The following AK9 variants were observed in gnomAD, a reference collection of about 807,000 sequenced individuals.
AK9 encodes adenylate kinase 9.
In AK9, 191 loss-of-function variants were observed where a neutral mutation model predicts 239.6. The ratio of observed to expected loss-of-function variants is 0.80; its 90% CI spans 0.71 to 0.90. The LOEUF (loss-of-function observed/expected upper bound fraction) is 0.90. Among genes scored for constraint, AK9 ranks in the 40% least tolerant of loss-of-function variants. The pLI, the probability that AK9 is intolerant of heterozygous loss-of-function variation, is 0.00. For synonymous variants in AK9, 689 were observed against 721.0 expected (o/e 0.96, Z 0.71); for missense variants, 1,995 against 2,214.7 (o/e 0.90, Z 1.99).
At chr6:109,632,858 T>C in intron 12 of AK9, 65 bp downstream of exon 12, 1 of 953,022 alleles carries the variant, frequency 1.0e-6, no homozygotes, top group South Asian at 2.6e-5. Context: ...ACATGACAGA[T>C]AGACATAGAT....
At chr6:109,606,110 A>G (rs1049841137) in intron 17 of AK9, among the ~76,000 whole-genome samples, 10 of 152,174 alleles carry the variant, frequency 6.6e-5, no homozygotes, top group African/African-American at 2.2e-4. Context: ...CAAAAATGGT[A>G]TAACATTTTT....
intron 25 of AK9, among the ~76,000 whole-genome samples, chr6:109,548,099 G>A (rs1396304910): frequency 6.6e-6 from 1 of 152,100 alleles, no homozygotes; most frequent in Non-Finnish European, 1.5e-5. Flanking sequence ...GGGAACACTT[G>A]TACACTGTTG....
chr6:109,677,745 T>C (rs1461470123), intron 1 of AK9, among the ~76,000 whole-genome samples: 7 of 152,182 alleles, frequency 4.6e-5, no homozygotes, highest in African/African-American at 2.4e-5. Flanking sequence ...CATGATCCAA[T>C]TGGAAAATGC....
intron 1 of AK9, among the ~76,000 whole-genome samples, chr6:109,680,385 A>G (rs149385650): frequency 6.6e-6 from 1 of 152,198 alleles, no homozygotes; most frequent in African/African-American, 2.4e-5. Context: ...TGAAATAAAG[A>G]TAGAAGACAA....
intron 17 of AK9, among the ~76,000 whole-genome samples, chr6:109,588,036 T>C (rs1353162409): frequency 1.3e-5 from 2 of 152,122 alleles, no homozygotes; most frequent in East Asian, 3.9e-4. Context: ...TCTCTGATGA[T>C]TGGTGATGTT....
intron 32 of AK9, among the ~76,000 whole-genome samples, chr6:109,510,756 A>G (rs1361706935): frequency 6.6e-6 from 1 of 152,186 alleles, no homozygotes; most frequent in Non-Finnish European, 1.5e-5. Flanking sequence ...ATTTGGGCAA[A>G]AGTGCTGCAG....
chr6:109,629,787 C>T (rs1795930964), intron 12 of AK9, among the ~76,000 whole-genome samples: 1 of 151,994 alleles, frequency 6.6e-6, no homozygotes, highest in Non-Finnish European at 1.5e-5. Context: ...CGCCCGTCAC[C>T]GTGCCCGGCT....
chr6:109,669,744 T>C (rs1276563081), intron 5 of AK9, among the ~76,000 whole-genome samples: 2 of 152,186 alleles, frequency 1.3e-5, no homozygotes, highest in Admixed American at 6.5e-5. Context: ...TGAGACGCCT[T>C]GCTGGGAATT....
At position 109,659,276 on chromosome 6, in the gene AK9, G is replaced by T; in HGVS notation, c.582C>A (p.Asp194Glu). 1 of 1,597,530 alleles carries T rather than the reference G, an allele frequency of 6.3e-7. No individual in the cohort carries two copies. The highest frequency in any genetic ancestry group is 8.5e-7 in the Non-Finnish European group (1 of 1,174,128). ...CCTCTTCTTCCTCTTCTCCTTTTCCGTCCTTTTGGGCTTCTTTCTTCTTTT... is the reference window on the plus strand; with the variant it reads ...CCTCTTCTTCCTCTTCTCCTTTTCCTTCCTTTTGGGCTTCTTTCTTCTTTT... ...HRKKKKEAQK[D>E]GKGEEEEEEE... Residue 194 changes from aspartate to glutamate, a missense_variant, in exon 7 of 41, where the codon GAC becomes GAA. By Grantham distance (45) the Asp-to-Glu change is conservative. Around this residue, in one of 5 missense-constraint regions of AK9, gnomAD observed 252 missense variants for 246.4 expected, o/e 1.02. Transcript: ENST00000424296.
intron 12 of AK9, among the ~76,000 whole-genome samples, chr6:109,624,182 C>T (rs1257373481): frequency 6.6e-6 from 1 of 151,940 alleles, no homozygotes; most frequent in Non-Finnish European, 1.5e-5. Flanking sequence ...CTCTTCTGGA[C>T]CCCTCTGTTC....
At chr6:109,666,718 T>G (rs1466652163) in intron 5 of AK9, among the ~76,000 whole-genome samples, 2 of 152,230 alleles carry the variant, frequency 1.3e-5, no homozygotes, top group Admixed American at 1.3e-4. Context: ...GCTTTCAGAT[T>G]GAAGTGATGA....
chr6:109,593,165 T>C (rs770612094), intron 17 of AK9, among the ~76,000 whole-genome samples: 1 of 152,104 alleles, frequency 6.6e-6, no homozygotes. Context: ...AGATTTCAAC[T>C]GTATTTTGCA....
chr6:109,677,838 T>C (rs1044069119), intron 1 of AK9, among the ~76,000 whole-genome samples: 1 of 152,112 alleles, frequency 6.6e-6, no homozygotes, highest in Non-Finnish European at 1.5e-5. Context: ...CACTAGCCAT[T>C]AGAGAAATGC....
At chr6:109,494,264 T>C (rs1776810319) in intron 39 of AK9, among the ~76,000 whole-genome samples, 169 bp from the exon 40 acceptor site, 1 of 152,160 alleles carries the variant, frequency 6.6e-6, no homozygotes, top group Non-Finnish European at 1.5e-5. Flanking sequence ...AGGAAAGAAA[T>C]ACAAAATACA....
intron 12 of AK9, among the ~76,000 whole-genome samples, chr6:109,624,032 AT>A: frequency 6.6e-6 from 1 of 151,762 alleles, no homozygotes; most frequent in Admixed American, 6.6e-5. Context: ...ACATGTTCAT[AT>A]TTCTGTTCCT....
intron 8 of AK9, among the ~76,000 whole-genome samples, chr6:109,656,170 G>C (rs769329294): frequency 3.9e-5 from 6 of 152,174 alleles, no homozygotes; most frequent in Non-Finnish European, 7.4e-5. Context: ...ACATTTGGTA[G>C]AGTCTTACCT....
chr6:109,545,039 A>C (rs1341578307), intron 26 of AK9, among the ~76,000 whole-genome samples: 1 of 152,116 alleles, frequency 6.6e-6, no homozygotes, highest in Non-Finnish European at 1.5e-5. Context: ...GATGAATATG[A>C]CTCTTTAAAT....
At chr6:109,675,909 A>G (rs919843848) in intron 1 of AK9, among the ~76,000 whole-genome samples, 153 bp from the exon 2 acceptor site, 1 of 152,146 alleles carries the variant, frequency 6.6e-6, no homozygotes, top group East Asian at 1.9e-4. Context: ...AATAAGTTTA[A>G]CTCATTTATA....
intron 12 of AK9, chr6:109,632,642 T>C (rs1796210813): frequency 3.4e-6 from 2 of 583,456 alleles, no homozygotes; most frequent in Non-Finnish European, 4.8e-6. Context: ...CCAAGAAAGC[T>C]AATAGGTGGC....
Sources: gnomAD v4.1 joint callset for allele counts (sites outside exome capture counted in the v4.1 genomes callset) on GRCh38, gnomAD v4.1.1 for gene constraint, gnomAD v4.1.1 regional missense constraint, MANE v1.5 for transcripts, NCBI Gene and HGNC (gene_info 2026-07-23, HGNC 2026-07-21) for gene names.